The following RNF32 variants were observed in gnomAD, a reference collection of about 807,000 sequenced individuals.
RNF32 encodes ring finger protein 32.
In RNF32, 36 loss-of-function variants were observed where a neutral mutation model predicts 41.0. The observed-to-expected ratio is 0.88, with a 90% CI of 0.67 to 1.16. RNF32 has a LOEUF of 1.16. Ranked by LOEUF, RNF32 falls within the 50% of genes most tolerant of loss-of-function variation. The pLI is 0.00. For synonymous variants in RNF32, 154 were observed against 160.9 expected, an observed-to-expected ratio of 0.96 and a Z score of 0.32; for missense variants, 413 against 436.7, an observed-to-expected ratio of 0.95 and a Z score of 0.48.
intron 7 of RNF32, chr7:156,659,076 CTTTAGT>C: frequency 1.5e-6 from 2 of 1,365,320 alleles, no homozygotes; most frequent in Non-Finnish European, 1.9e-6. Flanking sequence ...ACTATTTATG[CTTTAGT>C]TTTACTTTTG....
intron 7 of RNF32, chr7:156,659,618 T>TTA (rs977515761): frequency 2.2e-6 from 2 of 919,880 alleles, no homozygotes; most frequent in East Asian, 1.2e-4. Context: ...TCATTTTACC[T>TTA]TATATATATA....
rs569086892 is a variant in RNF32 at position 156,644,777 on chromosome 7, C to T, written c.274+20C>T. The T allele has an allele frequency of 2.5e-5, 39 of 1,585,226 alleles. No homozygotes were observed. In the South Asian group the frequency reaches 3.8e-4, roughly 15 times the overall value. On this transcript the variant is annotated intron_variant, in intron 3 of 8. Transcript: ENST00000317955. ...CTTTGGGTAAGCTGACGTAGTCATTCATCTTTTGGCTTATTAGGGCTAAAA... is the reference window on the plus strand; with the variant it reads ...CTTTGGGTAAGCTGACGTAGTCATTTATCTTTTGGCTTATTAGGGCTAAAA...
Position 156,676,559 on chromosome 7 carries a change from G to A in RNF32, c.993G>A (p.Leu331=). Residue 331 remains leucine, a synonymous_variant, in exon 9 of 9, where the codon CTG becomes CTA. Coordinates refer to ENST00000317955, the MANE Select transcript of RNF32 (RefSeq NM_030936.4). ...CACATGTGTTCCACCATGCGTGTCT[G>A]CTGGCACTAGAGGAGTTCTCCGTGG... The part of the protein sequence containing the change: ...SCSHVFHHAC[L]LALEEFSVGD... 1 of 1,614,218 alleles carries A rather than the reference G, an allele frequency of 6.2e-7. No homozygotes were observed. Among genetic ancestry groups the A allele is most frequent in the South Asian group, 1.1e-5 (1 of 91,076 alleles).
chr7:156,674,689 A>G (rs1803401433), intron 7 of RNF32, among the ~76,000 whole-genome samples: 1 of 152,122 alleles, frequency 6.6e-6, no homozygotes, highest in Non-Finnish European at 1.5e-5. Context: ...AACCAAACAA[A>G]AATACCAAAA....
intron 7 of RNF32, among the ~76,000 whole-genome samples, chr7:156,661,632 T>C (rs1237243048): frequency 6.6e-6 from 1 of 152,170 alleles, no homozygotes; most frequent in Admixed American, 6.5e-5. Context: ...AGGATTTTAT[T>C]TTTAGCTTAC....
At position 156,651,434 on chromosome 7, in the gene RNF32, G is replaced by A. The variant is rs374545901; in HGVS notation, c.275-3142G>A. On this transcript the variant is annotated intron_variant, in intron 3 of 8. Transcript: ENST00000317955. The stretch of plus-strand genomic sequence containing the variant: ...TCACCATGTTGGCCAGGCTGGTCTC[G>A]AACTCCTGACTTCAGGTGATCCACC... Among the ~76,000 whole-genome samples the A allele has an allele frequency of 8.6e-5, 13 of 152,002 alleles. No homozygotes were observed. In the East Asian group the frequency reaches 2.5e-3, roughly 29 times the overall value.
In RNF32 at chr7:156,658,915, A is replaced by T. The variant is rs1022584525; in HGVS notation, c.684+345A>T. The T allele has an allele frequency of 5.2e-6, 8 of 1,546,502 alleles. No homozygotes were observed. In the East Asian group the frequency reaches 2.0e-4, roughly 38 times the overall value. On this transcript the variant is annotated intron_variant, in intron 7 of 8. Transcript: ENST00000317955. ...TTCCCATCTCCTGGGCTATATGTAA[A>T]TGAAGACATCTGCTGCACATCTCAT...
At chr7:156,674,894 C>G (rs184879423) in intron 7 of RNF32, among the ~76,000 whole-genome samples, 109 of 152,312 alleles carry the variant, frequency 7.2e-4, no homozygotes, top group African/African-American at 2.3e-3. Flanking sequence ...GAACTTTTCT[C>G]TCAACTTTTA....
Position 156,658,468 on chromosome 7 carries a change from A to G in RNF32, c.582A>G (p.Gln194=), listed in dbSNP as rs1203436070. The stretch of plus-strand genomic sequence containing the variant: ...TCAAATATCTGTGTTTTAGAATCCA[A>G]GCCTACTGGAGAGGATGTGTTGTTA... The part of the protein sequence containing the change: ...LFRIKCVTRI[Q]AYWRGCVVRK... Residue 194 remains glutamine (Q), a synonymous_variant, in exon 7 of 9, where the codon CAA becomes CAG. Transcript: ENST00000317955. 6.2e-7 allele frequency: 1 copy of G among 1,611,366 alleles called. No homozygotes were observed. Among genetic ancestry groups the G allele is most frequent in the Non-Finnish European group, 8.5e-7 (1 of 1,177,528 alleles).
rs777165528 is a variant in RNF32, at chr7:156,644,560, T to G, written c.77T>G (p.Leu26Ter). 1.2e-6 allele frequency: 2 copies of G among 1,610,998 alleles called. No homozygotes were observed. The highest frequency in any genetic ancestry group is 1.7e-6 in the Non-Finnish European group (2 of 1,177,508). ...GCAGTTGCTTTACAAGATCACATTT[T>G]ACATGATCTTCAACTTCGAAATCTT... ...VNAVALQDHI[L>*]HDLQLRNLSV... Residue 26 changes from leucine to a stop codon, truncating the protein, a stop_gained, in exon 3 of 9, where the codon TTA becomes TGA. Coordinates refer to ENST00000317955, the MANE Select transcript of RNF32 (RefSeq NM_030936.4). LOFTEE classifies it high-confidence loss of function.
chr7:156,656,827 C>G (rs888062065), intron 4 of RNF32, among the ~76,000 whole-genome samples: 2 of 152,262 alleles, frequency 1.3e-5, no homozygotes, highest in African/African-American at 4.8e-5. Flanking sequence ...AAAGCAGCCC[C>G]TCCCAAGGGA....
chr7:156,644,091 C>T (rs1797700500), intron 2 of RNF32, among the ~76,000 whole-genome samples, 199 bp downstream of exon 2: 1 of 152,154 alleles, frequency 6.6e-6, no homozygotes. Flanking sequence ...TTACTGCAAG[C>T]ATCTCTTAGC....
intron 3 of RNF32, among the ~76,000 whole-genome samples, chr7:156,652,785 G>C (rs1253387551): frequency 1.3e-5 from 2 of 152,160 alleles, no homozygotes; most frequent in Admixed American, 1.3e-4. Context: ...GCTGAGCATG[G>C]TATTGTGTGC....
At chr7:156,674,837 T>G (rs1016336192) in intron 7 of RNF32, among the ~76,000 whole-genome samples, 3 of 152,254 alleles carry the variant, frequency 2.0e-5, no homozygotes, top group African/African-American at 7.2e-5. Context: ...ATTACATACG[T>G]AGCTCACAGT....
At chr7:156,674,323 GT>G (rs1376135999) in intron 7 of RNF32, among the ~76,000 whole-genome samples, 2 of 152,198 alleles carry the variant, frequency 1.3e-5, no homozygotes, top group Non-Finnish European at 2.9e-5. Flanking sequence ...ACTACTTCAC[GT>G]GGCCCCACCT....
chr7:156,656,200 T>C (rs898142640), intron 4 of RNF32, among the ~76,000 whole-genome samples: 1 of 152,256 alleles, frequency 6.6e-6, no homozygotes, highest in African/African-American at 2.4e-5. Flanking sequence ...TGACTCATAG[T>C]AGGCCGACGC....
chr7:156,643,870 A>T lies in RNF32; in HGVS notation c.-8A>T. 1 of 1,611,620 alleles carries T rather than the reference A, an allele frequency of 6.2e-7. No homozygotes were observed. The highest frequency in any genetic ancestry group is 8.5e-7 in the Non-Finnish European group (1 of 1,177,802). ...TGATAGCCAAGCAACAACTTTTCCT[A>T]ATTCGGCATGTTAAAAAATAAGGTA... On this transcript the variant is annotated 5_prime_UTR_variant, in exon 2 of 9. Transcript: ENST00000317955.
Position 156,669,495 on chromosome 7 carries a change from C to T in RNF32, c.685-6201C>T, listed in dbSNP as rs1478197060. Among the ~76,000 whole-genome samples, 1 of 152,126 alleles carries T rather than the reference C, an allele frequency of 6.6e-6. No individual in the cohort carries two copies. The highest frequency in any genetic ancestry group is 1.5e-5 in the Non-Finnish European group (1 of 68,016). On this transcript the variant is annotated intron_variant, in intron 7 of 8. Coordinates refer to ENST00000317955, the MANE Select transcript of RNF32 (RefSeq NM_030936.4). The surrounding 1 kb of genome is among the most constrained non-coding windows in gnomAD (Gnocchi z 4.2). Reference sequence around the variant, plus strand: ...ACCTCTGTCCAGGCAGAGGGCAGCACGGCTTAGCATGTGGGAGGGGCAGGC... The same window carrying T: ...ACCTCTGTCCAGGCAGAGGGCAGCATGGCTTAGCATGTGGGAGGGGCAGGC...
At chr7:156,641,558 A>G (rs1035331974) in intron 1 of RNF32, among the ~76,000 whole-genome samples, 7 of 152,316 alleles carry the variant, frequency 4.6e-5, no homozygotes, top group Admixed American at 3.3e-4. Context: ...AGGGTTTTCA[A>G]TACCTTTAAA....
Sources: gnomAD v4.1 joint callset for allele counts (sites outside exome capture counted in the v4.1 genomes callset) on GRCh38, gnomAD v4.1.1 for gene constraint, Gnocchi (gnomAD v3.1) non-coding constraint, MANE v1.5 for transcripts, NCBI Gene and HGNC (gene_info 2026-07-23, HGNC 2026-07-21) for gene names.